Variants in RIGI observed in about 807,000 individuals in gnomAD.
RIGI encodes RNA sensor RIG-I, also known as antiviral innate immune response receptor RIG-I.
At chr9:32,485,272 C>T in the RIGI span, 1 of 1,590,146 alleles carries the variant, frequency 6.3e-7, no homozygotes, top group East Asian at 2.2e-5. Context: ...ATTCCACTTT[C>T]CTGAAAACTA....
At chr9:32,470,418 A>G in the RIGI span, among the ~76,000 whole-genome samples, 20 of 152,368 alleles carry the variant, frequency 1.3e-4, no homozygotes, top group African/African-American at 4.8e-4. Context: ...CAATACATAC[A>G]TGAATGGTCA....
chr9:32,467,562 A>C, the RIGI span, among the ~76,000 whole-genome samples: 4 of 152,238 alleles, frequency 2.6e-5, no homozygotes, highest in Non-Finnish European at 5.9e-5. Context: ...AGTGAGCAGC[A>C]TCATTGTAAG....
the RIGI span, among the ~76,000 whole-genome samples, chr9:32,500,322 A>T: frequency 6.6e-6 from 1 of 152,196 alleles, no homozygotes. Context: ...GGGAGAACTG[A>T]TATTTTTATG....
At chr9:32,456,842 T>A in the RIGI span, 1 of 374,570 alleles carries the variant, frequency 2.7e-6, no homozygotes, top group South Asian at 3.6e-5. Context: ...TACAGAGTGA[T>A]TACTGTGTGT....
At chr9:32,491,431 C>T in the RIGI span, 2 of 1,586,092 alleles carry the variant, frequency 1.3e-6, no homozygotes, top group Non-Finnish European at 1.7e-6. Flanking sequence ...CTTTTTAAGA[C>T]CAAAAAAGTC....
the RIGI span, among the ~76,000 whole-genome samples, chr9:32,492,858 C>T: frequency 1.3e-5 from 2 of 152,040 alleles, no homozygotes; most frequent in South Asian, 2.1e-4. Context: ...GGTATATTGG[C>T]ATATAGCAAT....
chr9:32,458,475 T>C, the RIGI span, among the ~76,000 whole-genome samples: 1 of 152,326 alleles, frequency 6.6e-6, no homozygotes, highest in African/African-American at 2.4e-5. Context: ...GTTTTTTGAC[T>C]TTTTCTCTTG....
the RIGI span, among the ~76,000 whole-genome samples, chr9:32,469,715 T>C: frequency 6.6e-6 from 1 of 152,202 alleles, no homozygotes; most frequent in East Asian, 1.9e-4. Flanking sequence ...AAATTTAAAT[T>C]GTCTGAATAC....
the RIGI span, among the ~76,000 whole-genome samples, chr9:32,477,922 C>T: frequency 6.6e-6 from 1 of 151,276 alleles, no homozygotes; most frequent in Non-Finnish European, 1.5e-5. Context: ...GATACTCTGT[C>T]TCAAAAAAAA....
At chr9:32,487,698 T>C in the RIGI span, 1 of 1,569,858 alleles carries the variant, frequency 6.4e-7, no homozygotes, top group Non-Finnish European at 8.7e-7. Context: ...CAACCCCTCA[T>C]ATAACTCTTT....
the RIGI span, chr9:32,487,417 A>C: frequency 6.4e-7 from 1 of 1,551,120 alleles, no homozygotes; most frequent in Non-Finnish European, 8.9e-7. Context: ...GCTCTGAACT[A>C]GAGGTAGTAG....
chr9:32,487,455 A>G, the RIGI span: 11 of 1,612,002 alleles, frequency 6.8e-6, no homozygotes, highest in African/African-American at 1.2e-4. Context: ...AAGGCTTGTT[A>G]TTGGATCCAA....
chr9:32,526,004 G>A, the RIGI span: 1 of 1,333,764 alleles, frequency 7.5e-7, no homozygotes, highest in African/African-American at 1.4e-5. Flanking sequence ...AACGAAGCAA[G>A]AGAAAAACAA....
At chr9:32,519,443 C>T in the RIGI span, among the ~76,000 whole-genome samples, 1 of 152,132 alleles carries the variant, frequency 6.6e-6, no homozygotes, top group Admixed American at 6.5e-5. Context: ...GTTTTGCTTA[C>T]CTCTAATGAA....
the RIGI span, chr9:32,493,775 C>T: frequency 2.5e-6 from 4 of 1,576,738 alleles, no homozygotes; most frequent in Non-Finnish European, 3.4e-6. Context: ...AGAATTTCTT[C>T]ACATTCCTGA....
chr9:32,525,769 CT>C, the RIGI span, among the ~76,000 whole-genome samples: 1 of 145,566 alleles, frequency 6.9e-6, no homozygotes, highest in East Asian at 2.0e-4. Context: ...ACACAGTAGA[CT>C]TTAATATTAG....
chr9:32,499,326 T>G, the RIGI span, among the ~76,000 whole-genome samples: 6 of 148,862 alleles, frequency 4.0e-5, no homozygotes, highest in East Asian at 7.8e-4. Context: ...GTTTTTTTTT[T>G]TTTTTTTTTT....
chr9:32,495,279 G>A, the RIGI span, among the ~76,000 whole-genome samples: 1 of 152,114 alleles, frequency 6.6e-6, no homozygotes, highest in Non-Finnish European at 1.5e-5. Context: ...TCGGCTCACT[G>A]CAAACTCTGC....
At chr9:32,488,828 G>T in the RIGI span, 2 of 1,613,214 alleles carry the variant, frequency 1.2e-6, no homozygotes, top group Non-Finnish European at 1.7e-6. Flanking sequence ...TTTTGTCCTT[G>T]TGGGAATTTT....
Sources: gnomAD v4.1 joint callset for allele counts (sites outside exome capture counted in the v4.1 genomes callset) on GRCh38, gnomAD v4.1.1 for gene constraint, MANE v1.5 for transcripts, NCBI Gene and HGNC (gene_info 2026-07-23, HGNC 2026-07-21) for gene names.